TTC12: variants seen among roughly 807,000 people sequenced by gnomAD.
TTC12 encodes tetratricopeptide repeat protein 12.
TTC12 carries 70 observed loss-of-function variants against 90.1 expected under a neutral mutation model. The ratio of observed to expected loss-of-function variants is 0.78; its 90% confidence interval spans 0.64 to 0.95. The LOEUF is 0.95. Ranked by LOEUF, TTC12 falls within the 40% of genes least tolerant of loss-of-function variation. The probability of loss-of-function intolerance (pLI) is 0.00; values close to 1 mark genes in which losing one functional copy is unlikely to be tolerated. For synonymous variants in TTC12, 296 were observed against 311.5 expected (o/e 0.95, Z 0.53); for missense variants, 819 against 846.1 (o/e 0.97, Z 0.40).
At chr11:113,353,721 T>TCCTTTCCCCATTGCTTGTTTTTATCAGG (rs1565617326) in intron 16 of TTC12, among the ~76,000 whole-genome samples, 1 of 152,212 alleles carries the variant, frequency 6.6e-6, no homozygotes, top group Non-Finnish European at 1.5e-5. Context: ...GAATAGGGAA[T>TCCTTTCCCCATTGCTTGTTTTTATCAGG]CCTTTCCCCA....
intron 7 of TTC12, among the ~76,000 whole-genome samples, chr11:113,330,788 A>G (rs1300149601): frequency 6.6e-6 from 1 of 152,230 alleles, no homozygotes; most frequent in Non-Finnish European, 1.5e-5. Flanking sequence ...TGTGTGTTTT[A>G]CCTGAAAAAC....
chr11:113,317,122 T>G (rs768226114), intron 2 of TTC12, among the ~76,000 whole-genome samples: 1 of 152,236 alleles, frequency 6.6e-6, no homozygotes, highest in Non-Finnish European at 1.5e-5. Flanking sequence ...CACTGCCACC[T>G]TTCTCTTCAG....
At chr11:113,328,388 A>C (rs1555141654) in intron 6 of TTC12, among the ~76,000 whole-genome samples, 1 of 152,156 alleles carries the variant, frequency 6.6e-6, no homozygotes, top group Non-Finnish European at 1.5e-5. Flanking sequence ...AGAAACATTG[A>C]ACTAAGTTCT....
At chr11:113,338,957 A>G in intron 9 of TTC12, 123 bp downstream of exon 9, 1 of 841,156 alleles carries the variant, frequency 1.2e-6, no homozygotes, top group Non-Finnish European at 2.0e-6. Context: ...TCTTTCCTGC[A>G]CAGTTGGGTC....
intron 16 of TTC12, among the ~76,000 whole-genome samples, chr11:113,356,155 ATCT>A (rs1328554725): frequency 3.9e-5 from 6 of 152,272 alleles, no homozygotes; most frequent in Middle Eastern, 3.4e-3. Context: ...GGATAGTTAG[ATCT>A]TCTTGTTGAA....
At chr11:113,365,313 C>T (rs1195188702) in intron 21 of TTC12, among the ~76,000 whole-genome samples, 1 of 152,168 alleles carries the variant, frequency 6.6e-6, no homozygotes, top group Non-Finnish European at 1.5e-5. Flanking sequence ...CCACTTGCTG[C>T]CGTTGCCTTC....
chr11:113,362,201 G>A (rs1036344294), intron 18 of TTC12, among the ~76,000 whole-genome samples, 200 bp from the exon 19 acceptor site: 1 of 152,068 alleles, frequency 6.6e-6, no homozygotes, highest in Non-Finnish European at 1.5e-5. Context: ...TGGGCCTCTG[G>A]GTGGCAAGGG....
intron 7 of TTC12, among the ~76,000 whole-genome samples, chr11:113,332,714 T>C (rs1948134785): frequency 1.3e-5 from 2 of 152,208 alleles, no homozygotes; most frequent in South Asian, 4.1e-4. Flanking sequence ...GCTCCAGGGC[T>C]GCATGTCAGC....
chr11:113,359,464 A>G lies in TTC12; in HGVS notation c.1545+3A>G, dbSNP rs1949796798. ...TTCAGGCTCCCTTTGTCTCTGAGGTATGGCATTCTTGTCTCCCTGCCTGGA... is the reference window on the plus strand; with the variant it reads ...TTCAGGCTCCCTTTGTCTCTGAGGTGTGGCATTCTTGTCTCCCTGCCTGGA... On this transcript the variant is annotated splice_donor_region_variant and intron_variant, in intron 17 of 21. Coordinates refer to ENST00000529221, the MANE Select transcript of TTC12 (RefSeq NM_017868.4). The G allele has an allele frequency of 2.5e-6, 4 of 1,606,078 alleles. No individual in the cohort carries two copies. Among genetic ancestry groups the G allele is most frequent in the Admixed American group, 3.3e-5 (2 of 59,964 alleles).
chr11:113,345,516 C>A (rs2138013972), intron 13 of TTC12, among the ~76,000 whole-genome samples: 1 of 152,228 alleles, frequency 6.6e-6, no homozygotes, highest in East Asian at 1.9e-4. Context: ...TTTTTGGGAC[C>A]CTGCTGAGCC....
At chr11:113,345,767 C>T (rs1390103040) in intron 13 of TTC12, among the ~76,000 whole-genome samples, 1 of 152,106 alleles carries the variant, frequency 6.6e-6, no homozygotes, top group Non-Finnish European at 1.5e-5. Flanking sequence ...ATACCTTCAT[C>T]GTATTTTTTT....
At chr11:113,326,422 T>C (rs1555141079) in intron 6 of TTC12, among the ~76,000 whole-genome samples, 1 of 152,162 alleles carries the variant, frequency 6.6e-6, no homozygotes, top group East Asian at 1.9e-4. Flanking sequence ...GGTCAGAATA[T>C]GTCAGCAGGA....
intron 10 of TTC12, among the ~76,000 whole-genome samples, chr11:113,339,964 GT>G (rs1287553362): frequency 9.2e-5 from 14 of 152,058 alleles, no homozygotes; most frequent in Admixed American, 2.0e-4. Context: ...ATACCACCTC[GT>G]ACACCTTCCC....
intron 12 of TTC12, among the ~76,000 whole-genome samples, chr11:113,343,794 G>A (rs1317840826): frequency 2.0e-5 from 3 of 152,342 alleles, no homozygotes; most frequent in East Asian, 3.9e-4. Flanking sequence ...GTGCTCTCAT[G>A]TGATATTCTA....
chr11:113,345,378 G>C (rs1358358094), intron 13 of TTC12, among the ~76,000 whole-genome samples: 1 of 152,208 alleles, frequency 6.6e-6, no homozygotes, highest in Non-Finnish European at 1.5e-5. Context: ...ACTGCAGCAA[G>C]GAACCAAGGG....
chr11:113,345,818 A>G (rs1591583795), intron 13 of TTC12, among the ~76,000 whole-genome samples: 1 of 152,152 alleles, frequency 6.6e-6, no homozygotes, highest in East Asian at 1.9e-4. Flanking sequence ...AGCTATAGCT[A>G]TCATGAGCTT....
At chr11:113,323,149 C>G in intron 2 of TTC12, 139 bp from the exon 3 acceptor site, 63 of 265,516 alleles carry the variant, frequency 2.4e-4, no homozygotes, top group East Asian at 2.7e-4. Flanking sequence ...CTCATTGGTT[C>G]TGCTTGCTCT....
At chr11:113,367,219 A>T (rs1451235256), downstream of TTC12, among the ~76,000 whole-genome samples, 2 of 152,200 alleles carry the variant, frequency 1.3e-5, no homozygotes, top group African/African-American at 4.8e-5. Flanking sequence ...TCTTCATGGT[A>T]CAGTGAATGT....
At chr11:113,340,857 G>A in intron 11 of TTC12, 124 bp downstream of exon 11, 2 of 785,948 alleles carry the variant, frequency 2.5e-6, no homozygotes, top group Middle Eastern at 2.3e-4. Context: ...AGTCAGTAGT[G>A]GGGGGCTCTC....
Sources: gnomAD v4.1 joint callset for allele counts (sites outside exome capture counted in the v4.1 genomes callset) on GRCh38, gnomAD v4.1.1 for gene constraint, MANE v1.5 for transcripts, NCBI Gene and HGNC (gene_info 2026-07-23, HGNC 2026-07-21) for gene names.